CLASP1: variants seen among roughly 807,000 people sequenced by gnomAD.
The protein encoded by CLASP1 is CLIP-associating protein 1.
In CLASP1, 38 loss-of-function variants were observed where a neutral mutation model predicts 192.3. That is an observed-to-expected ratio of 0.20 (90% CI 0.15 to 0.26). The LOEUF is 0.26. Among genes scored for constraint, CLASP1 ranks in the 10% least tolerant of loss-of-function variants. The probability of loss-of-function intolerance (pLI) is 1.00; values close to 1 mark genes in which losing one functional copy is unlikely to be tolerated. For synonymous variants in CLASP1, 691 were observed against 712.8 expected (o/e 0.97, Z 0.49); for missense variants, 1,433 against 1,932.5 (o/e 0.74, Z 4.85).
intron 7 of CLASP1, among the ~76,000 whole-genome samples, chr2:121,514,244 G>A (rs991571915): frequency 2.2e-4 from 34 of 152,184 alleles, no homozygotes; most frequent in Admixed American, 1.2e-3. Flanking sequence ...ATGGTCTGGG[G>A]TCACATCAAG....
chr2:121,528,166 G>C (rs1051195431), intron 4 of CLASP1, among the ~76,000 whole-genome samples: 5 of 152,216 alleles, frequency 3.3e-5, no homozygotes, highest in African/African-American at 1.2e-4. Context: ...CATTTTATGG[G>C]TGAGGAAAGC....
chr2:121,424,397 A>G (rs1245792121), intron 22 of CLASP1, among the ~76,000 whole-genome samples: 2 of 152,270 alleles, frequency 1.3e-5, no homozygotes, highest in Non-Finnish European at 2.9e-5. Flanking sequence ...AGAATACAGT[A>G]GTCTGATTTT....
At chr2:121,510,523 C>G (rs2094099343) in intron 7 of CLASP1, among the ~76,000 whole-genome samples, 1 of 152,170 alleles carries the variant, frequency 6.6e-6, no homozygotes, top group Admixed American at 6.5e-5. Context: ...AGACCCCTAA[C>G]AAGTAGAGAA....
intron 2 of CLASP1, among the ~76,000 whole-genome samples, chr2:121,604,604 G>T (rs564136489): frequency 4.6e-5 from 7 of 152,170 alleles, no homozygotes; most frequent in Non-Finnish European, 1.0e-4. Flanking sequence ...GGAGGTGGAG[G>T]TTGCAGTGAG....
Position 121,345,277 on chromosome 2 carries a change from G to A in CLASP1, c.4530+1761C>T, listed in dbSNP as rs192413139. ...TGGGGGAGGGAAGGCGCTGGCTCCCGGTCAGGAATGTGGGTTCTGGACCCA... is the reference window on the plus strand; with the variant it reads ...TGGGGGAGGGAAGGCGCTGGCTCCCAGTCAGGAATGTGGGTTCTGGACCCA... On this transcript the variant is annotated intron_variant, in intron 39 of 39. Coordinates refer to ENST00000263710, the Ensembl canonical transcript of CLASP1. 3.4e-3 allele frequency among the ~76,000 whole-genome samples: 524 copies of A among 152,292 alleles called. 1 individual carries two copies. The highest frequency in any genetic ancestry group is 5.1e-3 in the Non-Finnish European group (344 of 68,026).
chr2:121,461,314 C>G (rs79466840), intron 10 of CLASP1, 121 bp from the exon 11 acceptor site: 57 of 612,256 alleles, frequency 9.3e-5, no homozygotes, highest in African/African-American at 5.5e-4. Flanking sequence ...TAAGAAATAC[C>G]TATGAGAAAA....
chr2:121,408,960 C>T, intron 24 of CLASP1: 1 of 1,438,612 alleles, frequency 7.0e-7, no homozygotes, highest in Non-Finnish European at 9.5e-7. Context: ...TCACTAGCTT[C>T]TAAAAGAAAT....
chr2:121,375,349 A>G (rs947649851), intron 34 of CLASP1, among the ~76,000 whole-genome samples: 2 of 142,960 alleles, frequency 1.4e-5, no homozygotes, highest in African/African-American at 5.2e-5. Context: ...CTTATAAATT[A>G]CCTAGTTTCT....
At chr2:121,548,771 T>TAA (rs79795002) in intron 2 of CLASP1, among the ~76,000 whole-genome samples, 1 of 136,486 alleles carries the variant, frequency 7.3e-6, no homozygotes, top group Non-Finnish European at 1.6e-5. Context: ...CATTCTTAAA[T>TAA]AAAAAAAAAA....
chr2:121,397,242 T>C, exon 30 of CLASP1: 1 of 1,613,930 alleles, frequency 6.2e-7, no homozygotes, highest in Non-Finnish European at 8.5e-7. Flanking sequence ...GATCCATCTG[T>C]CTGGCCAGAG....
chr2:121,576,055 T>C (rs928561792), intron 2 of CLASP1, among the ~76,000 whole-genome samples: 8 of 152,212 alleles, frequency 5.3e-5, no homozygotes, highest in Non-Finnish European at 8.8e-5. Flanking sequence ...CCTGCAATTA[T>C]TATTTGTATT....
At chr2:121,448,427 GT>G in intron 17 of CLASP1, 102 bp from the exon 18 acceptor site, 1 of 1,152,624 alleles carries the variant, frequency 8.7e-7, no homozygotes, top group Non-Finnish European at 1.3e-6. Flanking sequence ...TTATTTCAGA[GT>G]TTTCAGAATT....
At chr2:121,436,600 G>A (rs1273820634) in intron 19 of CLASP1, among the ~76,000 whole-genome samples, 18 of 149,810 alleles carry the variant, frequency 1.2e-4, no homozygotes, top group East Asian at 2.0e-4. Flanking sequence ...AAGCAGAGAC[G>A]GGGTTTCACC....
intron 9 of CLASP1, among the ~76,000 whole-genome samples, chr2:121,469,153 G>A (rs927083038): frequency 6.6e-6 from 1 of 152,088 alleles, no homozygotes; most frequent in Non-Finnish European, 1.5e-5. Context: ...CTTCCTGCAT[G>A]AAGAGCCTGC....
At chr2:121,530,915 T>A (rs1048449886) in intron 2 of CLASP1, 2 of 699,328 alleles carry the variant, frequency 2.9e-6, no homozygotes, top group Non-Finnish European at 5.2e-6. Context: ...TACTGTCCAA[T>A]GAGCGCATAG....
chr2:121,425,086 C>A (rs2080160035), intron 22 of CLASP1, 53 bp downstream of exon 22: 1 of 1,521,496 alleles, frequency 6.6e-7, no homozygotes, highest in Non-Finnish European at 8.9e-7. Context: ...AGATTATAAT[C>A]AAAACTATGA....
intron 19 of CLASP1, among the ~76,000 whole-genome samples, 175 bp from the exon 20 acceptor site, chr2:121,430,352 C>G (rs779830251): frequency 6.6e-5 from 10 of 152,266 alleles, no homozygotes. Context: ...TGTGTGCATG[C>G]GCACATGCGC....
At chr2:121,432,547 T>C (rs1426047994) in intron 19 of CLASP1, among the ~76,000 whole-genome samples, 3 of 152,252 alleles carry the variant, frequency 2.0e-5, no homozygotes, top group African/African-American at 4.8e-5. Flanking sequence ...AAATGTTGAC[T>C]GGCATTATGT....
intron 1 of CLASP1, among the ~76,000 whole-genome samples, chr2:121,639,369 A>G (rs2071574244): frequency 6.6e-6 from 1 of 152,194 alleles, no homozygotes; most frequent in Non-Finnish European, 1.5e-5. Context: ...CATTTATATG[A>G]AATATCCAGA....
Sources: gnomAD v4.1 joint callset for allele counts (sites outside exome capture counted in the v4.1 genomes callset) on GRCh38, gnomAD v4.1.1 for gene constraint, MANE v1.5 for transcripts, NCBI Gene and HGNC (gene_info 2026-07-23, HGNC 2026-07-21) for gene names.